The following PPP4R3A variants were observed in gnomAD, a reference collection of about 807,000 sequenced individuals.
The protein encoded by PPP4R3A is serine/threonine-protein phosphatase 4 regulatory subunit 3A.
PPP4R3A carries 15 observed loss-of-function variants against 91.7 expected under a neutral mutation model. That is an observed-to-expected ratio of 0.16 (90% CI 0.11 to 0.25). The LOEUF (loss-of-function observed/expected upper bound fraction) is 0.25, where lower values mean the gene tolerates loss of function less well. PPP4R3A is among the 10% of genes least tolerant of loss of function. PPP4R3A has a pLI of 1.00. For missense variants in PPP4R3A, 623 were observed against 998.4 expected (o/e 0.62, Z 5.07); for synonymous variants, 377 against 348.7 (o/e 1.08, Z -0.91).
chr14:91,471,324 A>C (rs1888816863), intron 9 of PPP4R3A, among the ~76,000 whole-genome samples: 1 of 152,204 alleles, frequency 6.6e-6, no homozygotes, highest in Non-Finnish European at 1.5e-5. Context: ...AGGACCCTCT[A>C]CCAGGTACCT....
At chr14:91,462,271 CAT>C (rs1215044707) in intron 12 of PPP4R3A, 32 bp from the exon 13 acceptor site, 3 of 1,503,968 alleles carry the variant, frequency 2.0e-6, no homozygotes, top group Non-Finnish European at 2.6e-6. Context: ...TAAATACAAT[CAT>C]ATATGGACTT....
At chr14:91,485,979 A>G (rs1421625463) in intron 2 of PPP4R3A, among the ~76,000 whole-genome samples, 3 of 152,244 alleles carry the variant, frequency 2.0e-5, no homozygotes, top group Non-Finnish European at 4.4e-5. Context: ...CATGCATTGC[A>G]AAAGATAAAA....
chr14:91,506,836 C>T (rs528276014), intron 1 of PPP4R3A, among the ~76,000 whole-genome samples: 52 of 152,340 alleles, frequency 3.4e-4, no homozygotes, highest in African/African-American at 1.1e-3. Context: ...AGGCGTGAGC[C>T]ACCGCACCCA....
intron 14 of PPP4R3A, 35 bp downstream of exon 14, chr14:91,461,346 G>GA (rs761195752): frequency 1.3e-6 from 2 of 1,578,280 alleles, no homozygotes; most frequent in Middle Eastern, 1.7e-4. Flanking sequence ...CTTCAATTGG[G>GA]AAAAAAGGGG....
Position 91,508,236 on chromosome 14 carries a change from A to C in PPP4R3A, c.142+1270T>G, listed in dbSNP as rs930284481. 3.9e-5 allele frequency among the ~76,000 whole-genome samples: 6 copies of C among 152,220 alleles called. No individual in the cohort carries two copies. The East Asian group carries it at 1.2e-3, about 29-fold the overall frequency. On this transcript the variant is annotated intron_variant, in intron 1 of 14. Coordinates refer to ENST00000554943, the MANE Select transcript of PPP4R3A (RefSeq NM_001366432.2). ...AGAAAATAATTTCTCTCCAGATTTA[A>C]GTTACTTTGGGTAACCTTATAACCT... is the stretch of plus-strand genomic sequence containing the variant.
chr14:91,460,063 G>C (rs960467073), intron 14 of PPP4R3A, among the ~76,000 whole-genome samples: 1 of 151,964 alleles, frequency 6.6e-6, no homozygotes, highest in Non-Finnish European at 1.5e-5. Context: ...CCAGGCTGGA[G>C]TGCAGTGGCG....
chr14:91,504,130 G>A (rs990429462), intron 1 of PPP4R3A, among the ~76,000 whole-genome samples: 8 of 150,834 alleles, frequency 5.3e-5, no homozygotes, highest in East Asian at 2.0e-4. Flanking sequence ...CAGCCTGGGC[G>A]ACAAAGTAAG....
chr14:91,485,471 G>C (rs1889826583), intron 3 of PPP4R3A, among the ~76,000 whole-genome samples, 161 bp downstream of exon 3: 1 of 152,220 alleles, frequency 6.6e-6, no homozygotes, highest in Admixed American at 6.5e-5. Context: ...AGAGAGTTTA[G>C]TGTCAATAAA....
chr14:91,495,302 A>ATGTGTGTGTGTGTGTG (rs60663799), intron 1 of PPP4R3A, among the ~76,000 whole-genome samples: 4,376 of 140,910 alleles, frequency 0.031, 119 homozygotes, highest in African/African-American at 0.046. Flanking sequence ...CAGATACATA[A>ATGTGTGTGTGTGTGTG]TGTGTGTGTG....
intron 3 of PPP4R3A, among the ~76,000 whole-genome samples, chr14:91,484,469 T>C (rs1023269333): frequency 1.3e-5 from 2 of 152,206 alleles, no homozygotes; most frequent in African/African-American, 2.4e-5. Context: ...GTGCTGTCTA[T>C]GACTACTTCC....
chr14:91,482,298 G>T, intron 3 of PPP4R3A, 105 bp from the exon 4 acceptor site: 1 of 1,278,994 alleles, frequency 7.8e-7, no homozygotes, highest in Non-Finnish European at 1.0e-6. Flanking sequence ...AACCTATAAT[G>T]GTCATTTTCA....
At chr14:91,509,143 G>A (rs1269073190) in intron 1 of PPP4R3A, among the ~76,000 whole-genome samples, 1 of 152,174 alleles carries the variant, frequency 6.6e-6, no homozygotes. Context: ...GTGAACTAAG[G>A]CAGCAGATCG....
intron 9 of PPP4R3A, among the ~76,000 whole-genome samples, chr14:91,471,333 C>G (rs981973460): frequency 1.3e-5 from 2 of 152,270 alleles, no homozygotes; most frequent in Admixed American, 6.5e-5. Context: ...TACCAGGTAC[C>G]TTAGCATGTT....
At chr14:91,483,643 AG>A (rs1374662156) in intron 3 of PPP4R3A, among the ~76,000 whole-genome samples, 1 of 152,226 alleles carries the variant, frequency 6.6e-6, no homozygotes, top group African/African-American at 2.4e-5. Context: ...TTCAAGAAAT[AG>A]AAAAACATTT....
chr14:91,475,575 CAAAACA>C (rs780494379), intron 7 of PPP4R3A: 121 of 366,006 alleles, frequency 3.3e-4, no homozygotes, highest in East Asian at 7.0e-4. Flanking sequence ...TAAAACAAAA[CAAAACA>C]AAAAAAAACT....
chr14:91,475,337 G>GT (rs1889125625), intron 7 of PPP4R3A: 1 of 160,020 alleles, frequency 6.2e-6, no homozygotes, highest in Non-Finnish European at 1.4e-5. Flanking sequence ...AGATGCTAAC[G>GT]TGAGTGTTTG....
chr14:91,508,388 T>C (rs1001957969), intron 1 of PPP4R3A, among the ~76,000 whole-genome samples: 4 of 152,186 alleles, frequency 2.6e-5, no homozygotes, highest in Admixed American at 1.3e-4. Context: ...GAGAGTCCAA[T>C]TGAAGAAAAT....
intron 4 of PPP4R3A, among the ~76,000 whole-genome samples, chr14:91,479,191 C>A (rs1298069743): frequency 6.6e-6 from 1 of 151,914 alleles, no homozygotes; most frequent in Non-Finnish European, 1.5e-5. Context: ...CCATGTTGGT[C>A]AGGCTGGTCT....
At chr14:91,473,507 T>C (rs1888976478) in intron 7 of PPP4R3A, 137 bp from the exon 8 acceptor site, 1 of 885,350 alleles carries the variant, frequency 1.1e-6, no homozygotes, top group African/African-American at 1.7e-5. Context: ...TTAACTCAGT[T>C]ATCTGACAGG....
Sources: allele counts gnomAD v4.1 joint callset (sites outside exome capture counted in the v4.1 genomes callset), GRCh38; gene constraint gnomAD v4.1.1; transcripts MANE v1.5; gene names NCBI Gene and HGNC (gene_info 2026-07-23, HGNC 2026-07-21).